Variants in PTPRG observed in about 807,000 individuals in gnomAD.
PTPRG encodes the protein receptor-type tyrosine-protein phosphatase gamma.
PTPRG carries 102 observed loss-of-function variants against 165.3 expected under a neutral mutation model. That is an observed-to-expected ratio of 0.62 (90% CI 0.53 to 0.73). The LOEUF (loss-of-function observed/expected upper bound fraction) is 0.73, where lower values mean the gene tolerates loss of function less well. PTPRG is among the 30% of genes least tolerant of loss of function. The pLI, the probability that PTPRG is intolerant of heterozygous loss-of-function variation, is 0.00. For missense variants in PTPRG, 1,866 were observed against 1,861.4 expected, an observed-to-expected ratio of 1.00 and a Z score of -0.05; for synonymous variants, 675 against 669.5, an observed-to-expected ratio of 1.01 and a Z score of -0.13.
intron 5 of PTPRG, among the ~76,000 whole-genome samples, chr3:62,085,109 T>G (rs1489613674): frequency 6.6e-6 from 1 of 152,200 alleles, no homozygotes; most frequent in East Asian, 1.9e-4. Flanking sequence ...AACCCACCTT[T>G]CCCTAGCCCT....
intron 4 of PTPRG, among the ~76,000 whole-genome samples, chr3:62,040,812 G>T (rs879768572): frequency 1.1e-4 from 16 of 152,274 alleles, no homozygotes; most frequent in African/African-American, 3.4e-4. Context: ...CAGGGACATC[G>T]GGGCTAGCTG....
intron 2 of PTPRG, among the ~76,000 whole-genome samples, chr3:61,862,955 C>A (rs572617172): frequency 6.6e-6 from 1 of 152,122 alleles, no homozygotes; most frequent in African/African-American, 2.4e-5. Context: ...TAAAAGCAAA[C>A]GAGCAGATTT....
chr3:61,661,128 A>G (rs1359297978), intron 1 of PTPRG, among the ~76,000 whole-genome samples: 1 of 151,864 alleles, frequency 6.6e-6, no homozygotes, highest in Admixed American at 6.6e-5. Flanking sequence ...GGCTGAGTGC[A>G]GTGGCATGCT....
chr3:61,635,564 C>T (rs570718172), intron 1 of PTPRG, among the ~76,000 whole-genome samples: 5 of 151,950 alleles, frequency 3.3e-5, no homozygotes, highest in African/African-American at 1.2e-4. Context: ...CACCATGTTA[C>T]CTAGGCTGGT....
At chr3:62,155,977 G>A (rs1276637027) in intron 6 of PTPRG, among the ~76,000 whole-genome samples, 1 of 152,186 alleles carries the variant, frequency 6.6e-6, no homozygotes, top group Non-Finnish European at 1.5e-5. Context: ...CAGGGAAGGG[G>A]AGAGAATCCC....
At chr3:62,058,262 A>T (rs1013250940) in intron 4 of PTPRG, among the ~76,000 whole-genome samples, 1 of 152,218 alleles carries the variant, frequency 6.6e-6, no homozygotes, top group East Asian at 1.9e-4. Flanking sequence ...TAATCTTATA[A>T]GGGAGCATAA....
At chr3:62,153,017 G>T (rs1704392957) in intron 6 of PTPRG, among the ~76,000 whole-genome samples, 1 of 152,164 alleles carries the variant, frequency 6.6e-6, no homozygotes. Flanking sequence ...TCATTAAGTA[G>T]ATATATATTT....
At chr3:61,807,737 A>C (rs2035459196) in intron 2 of PTPRG, among the ~76,000 whole-genome samples, 1 of 151,892 alleles carries the variant, frequency 6.6e-6, no homozygotes, top group South Asian at 2.1e-4. Context: ...AATATGTATT[A>C]TTGAATCGTA....
rs193028195 is a variant in PTPRG, at chr3:61,613,580, C to G, written c.85+51208C>G. 2.4e-3 allele frequency among the ~76,000 whole-genome samples: 359 copies of G among 152,250 alleles called. 4 individuals carry two copies. The highest frequency in any genetic ancestry group is 4.2e-3 in the Non-Finnish European group (283 of 68,024). On this transcript the variant is annotated intron_variant, in intron 1 of 29. Coordinates refer to ENST00000474889, the MANE Select transcript of PTPRG (RefSeq NM_002841.4). ...GCCAGGTACAATCTTTGATGAGATTCAGGGAAAACAAATTAATCTGTGTGG... is the reference window on the plus strand; with the variant it reads ...GCCAGGTACAATCTTTGATGAGATTGAGGGAAAACAAATTAATCTGTGTGG...
chr3:61,619,112 A>G (rs969904497), intron 1 of PTPRG, among the ~76,000 whole-genome samples: 2 of 151,976 alleles, frequency 1.3e-5, no homozygotes, highest in Admixed American at 6.6e-5. Context: ...AACCGTGATC[A>G]TGCCACTGCA....
intron 8 of PTPRG, 135 bp downstream of exon 8, chr3:62,168,298 G>A: frequency 3.5e-6 from 3 of 856,770 alleles, no homozygotes; most frequent in Non-Finnish European, 5.3e-6. Flanking sequence ...AAGGGAGCCT[G>A]TCTGGCTGAA....
chr3:62,050,478 A>C (rs2106648860), intron 4 of PTPRG, among the ~76,000 whole-genome samples: 1 of 152,332 alleles, frequency 6.6e-6, no homozygotes, highest in East Asian at 1.9e-4. Flanking sequence ...ATCGCCTAAC[A>C]GTGCACTTCT....
At chr3:61,760,091 C>T (rs951901161) in intron 2 of PTPRG, among the ~76,000 whole-genome samples, 3 of 152,140 alleles carry the variant, frequency 2.0e-5, no homozygotes, top group African/African-American at 7.2e-5. Context: ...AGCAGTAGTA[C>T]AGCTGGCTTT....
At chr3:61,690,847 A>G (rs1233730820) in intron 1 of PTPRG, among the ~76,000 whole-genome samples, 1 of 152,222 alleles carries the variant, frequency 6.6e-6, no homozygotes, top group East Asian at 1.9e-4. Flanking sequence ...TAGATGATAC[A>G]GTCAATGCTA....
chr3:61,998,333 T>A (rs804417), intron 3 of PTPRG, among the ~76,000 whole-genome samples: 49,609 of 152,090 alleles, frequency 0.33, 8,330 homozygotes, highest in African/African-American at 0.4. Flanking sequence ...TGTGGATCCT[T>A]CCCTAGGATA....
At chr3:61,679,156 A>G (rs1703339026) in intron 1 of PTPRG, among the ~76,000 whole-genome samples, 1 of 152,208 alleles carries the variant, frequency 6.6e-6, no homozygotes, top group Non-Finnish European at 1.5e-5. Flanking sequence ...TGTACATACA[A>G]ACTCCCAAAT....
chr3:62,125,591 A>C (rs942155346), intron 5 of PTPRG, among the ~76,000 whole-genome samples: 16 of 152,094 alleles, frequency 1.1e-4, no homozygotes, highest in Non-Finnish European at 1.8e-4. Flanking sequence ...GTTGTCCAGC[A>C]CTGCCACACA....
intron 1 of PTPRG, among the ~76,000 whole-genome samples, chr3:61,693,860 T>G (rs189528206): frequency 5.3e-4 from 81 of 151,806 alleles, no homozygotes; most frequent in Admixed American, 6.6e-4. Flanking sequence ...ATAAAAAAAT[T>G]AGCCAGGCAT....
rs1219156015 is a variant in PTPRG, at chr3:62,078,225, C to G, written c.582C>G (p.Asn194Lys). 6.2e-7 allele frequency: 1 copy of G among 1,608,410 alleles called. No homozygotes were observed. Among genetic ancestry groups the G allele is most frequent in the Non-Finnish European group, 8.5e-7 (1 of 1,177,074 alleles). ...FDSFQTAISE[N>K]RIIGAMAIFF... ...GCTTTCAAACCGCAATTTCTGAGAA[C>G]AGAATAATCGGAGCCATGGCCATAT... The change falls in exon 5 of 30, where the codon AAC becomes AAG. Residue 194 changes from asparagine (N) to lysine (K), a missense_variant. Transcript: ENST00000474889.
Sources: allele counts gnomAD v4.1 joint callset (sites outside exome capture counted in the v4.1 genomes callset), GRCh38; gene constraint gnomAD v4.1.1; transcripts MANE v1.5; gene names NCBI Gene and HGNC (gene_info 2026-07-23, HGNC 2026-07-21).